The following VMP1 variants were observed in gnomAD, a reference collection of about 807,000 sequenced individuals.
The protein encoded by VMP1 is vacuole membrane protein 1, also known as ectopic P-granules autophagy protein 3 homolog.
Under a neutral mutation model 56.0 loss-of-function variants are expected in VMP1, and 11 were observed. That is an observed-to-expected ratio of 0.20 (90% CI 0.12 to 0.32). The LOEUF (loss-of-function observed/expected upper bound fraction) is 0.32, where lower values mean the gene tolerates loss of function less well. VMP1 is among the 10% of genes least tolerant of loss of function. The pLI is 1.00. For synonymous variants in VMP1, 149 were observed against 165.0 expected (o/e 0.90, Z 0.74); for missense variants, 296 against 490.3 (o/e 0.60, Z 3.74).
At chr17:59,821,641 C>T (rs1291763030) in intron 10 of VMP1, among the ~76,000 whole-genome samples, 1 of 150,690 alleles carries the variant, frequency 6.6e-6, no homozygotes, top group Non-Finnish European at 1.5e-5. Flanking sequence ...AAACCTCCGC[C>T]TCCTGGGTTC....
chr17:59,839,267 A>C (rs2039081520), intron 11 of VMP1: 1 of 153,134 alleles, frequency 6.5e-6, no homozygotes, highest in Non-Finnish European at 1.5e-5. Flanking sequence ...CTGGGATTAC[A>C]GATGTGAGCC....
chr17:59,716,518 C>T (rs1288530337), intron 1 of VMP1, among the ~76,000 whole-genome samples: 1 of 152,090 alleles, frequency 6.6e-6, no homozygotes, highest in African/African-American at 2.4e-5. Flanking sequence ...TCTCACTGGA[C>T]TGTTTTGTAT....
At chr17:59,829,097 T>C (rs1434580133) in intron 10 of VMP1, among the ~76,000 whole-genome samples, 1 of 152,114 alleles carries the variant, frequency 6.6e-6, no homozygotes, top group Non-Finnish European at 1.5e-5. Context: ...TCGTGGGTGA[T>C]AGAGCCAGAC....
chr17:59,836,719 G>GT (rs5821283), intron 10 of VMP1, among the ~76,000 whole-genome samples: 55,868 of 138,496 alleles, frequency 0.4, 10,809 homozygotes, highest in East Asian at 0.5. Flanking sequence ...GGGCAGTTTG[G>GT]TTTTTTTTTT....
intron 1 of VMP1, among the ~76,000 whole-genome samples, chr17:59,724,218 A>C (rs1485287372): frequency 2.0e-5 from 3 of 151,130 alleles, no homozygotes; most frequent in African/African-American, 7.3e-5. Context: ...TCTCAAAAAA[A>C]AAAAAAAAGA....
At chr17:59,774,695 G>T (rs945130684) in intron 7 of VMP1, among the ~76,000 whole-genome samples, 4 of 151,994 alleles carry the variant, frequency 2.6e-5, no homozygotes, top group Non-Finnish European at 5.9e-5. Context: ...TTGTTAGTTT[G>T]TTTTTGATTT....
chr17:59,807,780 C>G (rs887584907), intron 7 of VMP1, among the ~76,000 whole-genome samples: 13 of 143,868 alleles, frequency 9.0e-5, no homozygotes, highest in African/African-American at 3.3e-4. Flanking sequence ...TCCAGTGAGC[C>G]AAGATCGCGC....
chr17:59,719,835 A>G (rs2034324459), intron 1 of VMP1, among the ~76,000 whole-genome samples: 1 of 152,186 alleles, frequency 6.6e-6, no homozygotes, highest in Non-Finnish European at 1.5e-5. Context: ...TTCTGCAGGA[A>G]ACAAATAAAA....
intron 10 of VMP1, among the ~76,000 whole-genome samples, chr17:59,824,895 T>C (rs1241164617): frequency 2.2e-5 from 2 of 92,172 alleles, no homozygotes; most frequent in African/African-American, 8.4e-5. Flanking sequence ...AAAAAAAAAA[T>C]TGGCTAGGCA....
At chr17:59,789,035 A>G (rs2037117022) in intron 7 of VMP1, among the ~76,000 whole-genome samples, 1 of 151,386 alleles carries the variant, frequency 6.6e-6, no homozygotes, top group Non-Finnish European at 1.5e-5. Flanking sequence ...TCATGCCTGT[A>G]ATCCTAGCGC....
intron 5 of VMP1, among the ~76,000 whole-genome samples, chr17:59,755,309 A>G (rs1336260760): frequency 1.3e-5 from 2 of 151,754 alleles, no homozygotes; most frequent in African/African-American, 4.8e-5. Context: ...GGAGTTTCAC[A>G]ATGTTGGCCA....
chr17:59,739,573 A>C (rs2035141594), intron 5 of VMP1, among the ~76,000 whole-genome samples: 1 of 150,732 alleles, frequency 6.6e-6, no homozygotes, highest in Non-Finnish European at 1.5e-5. Flanking sequence ...AAATACAAAA[A>C]ATTAGCCGGA....
intron 7 of VMP1, among the ~76,000 whole-genome samples, chr17:59,798,835 G>A (rs1410450093): frequency 2.0e-5 from 3 of 152,136 alleles, no homozygotes; most frequent in Admixed American, 6.6e-5. Flanking sequence ...GCAGTGAGCC[G>A]AGATTGTGCC....
At chr17:59,803,386 G>A (rs2144185385) in intron 7 of VMP1, among the ~76,000 whole-genome samples, 1 of 152,164 alleles carries the variant, frequency 6.6e-6, no homozygotes, top group South Asian at 2.1e-4. Context: ...AATGTTTCTT[G>A]CGTCTCCTGT....
At chr17:59,735,765 AT>A in intron 3 of VMP1, 1 of 275,184 alleles carries the variant, frequency 3.6e-6, no homozygotes, top group Non-Finnish European at 7.1e-6. Context: ...TTCTCTCCTG[AT>A]TTTACCATTG....
At chr17:59,819,302 A>T (rs1370919910) in intron 10 of VMP1, among the ~76,000 whole-genome samples, 1 of 151,980 alleles carries the variant, frequency 6.6e-6, no homozygotes, top group African/African-American at 2.4e-5. Flanking sequence ...CTTATTTTTT[A>T]TTTATTTATT....
intron 1 of VMP1, among the ~76,000 whole-genome samples, chr17:59,714,037 T>C (rs2034048552): frequency 7.3e-6 from 1 of 136,790 alleles, no homozygotes; most frequent in African/African-American, 2.8e-5. Flanking sequence ...CGAGACTCCG[T>C]CTTAAAAGGA....
Position 59,735,412 on chromosome 17 carries a change from C to G in VMP1, c.151C>G (p.Leu51Val). 6.2e-7 allele frequency: 1 copy of G among 1,614,148 alleles called. No individual in the cohort carries two copies. The highest frequency in any genetic ancestry group is 8.5e-7 in the Non-Finnish European group (1 of 1,180,014). Residue 51 changes from leucine to valine, a missense_variant, in exon 3 of 12, where the codon CTC becomes GTC. Physicochemically the swap from Leu to Val is conservative, Grantham distance 32. This residue lies in a region of VMP1 where 69 missense variants were observed against 76.6 expected (regional missense o/e 0.90). Coordinates refer to ENST00000262291, the MANE Select transcript of VMP1 (RefSeq NM_030938.5). ...RQNIVLWRQP[L>V]ITLQYFSLEI... is the part of the protein sequence containing the mutation. ...GAATATTGTCCTGTGGAGACAGCCGCTCATTACCTTGCAGTATTTTTCTCT... is the reference window on the plus strand; with the variant it reads ...GAATATTGTCCTGTGGAGACAGCCGGTCATTACCTTGCAGTATTTTTCTCT...
intron 7 of VMP1, among the ~76,000 whole-genome samples, chr17:59,778,827 C>T (rs1006941912): frequency 2.6e-5 from 4 of 152,178 alleles, no homozygotes; most frequent in Non-Finnish European, 4.4e-5. Context: ...GAAATTGATA[C>T]ACATTCAGTA....
Sources: allele counts gnomAD v4.1 joint callset (sites outside exome capture counted in the v4.1 genomes callset), GRCh38; gene constraint gnomAD v4.1.1; regional missense constraint gnomAD v4.1.1; transcripts MANE v1.5; gene names NCBI Gene and HGNC (gene_info 2026-07-23, HGNC 2026-07-21).